UHRF2: variants seen among roughly 807,000 people sequenced by gnomAD.
The protein encoded by UHRF2 is E3 ubiquitin-protein ligase UHRF2.
UHRF2 carries 23 observed loss-of-function variants against 96.8 expected under a neutral mutation model. The observed-to-expected ratio is 0.24, with a 90% CI of 0.17 to 0.34. The LOEUF (loss-of-function observed/expected upper bound fraction) is 0.34, where lower values mean the gene tolerates loss of function less well. Ranked by LOEUF, UHRF2 falls within the 10% of genes least tolerant of loss-of-function variation. The pLI is 1.00. For synonymous variants in UHRF2, 385 were observed against 332.6 expected (o/e 1.16, Z -1.72); for missense variants, 685 against 981.5 (o/e 0.70, Z 4.04).
At chr9:6,442,804 A>G (rs933060390) in intron 3 of UHRF2, among the ~76,000 whole-genome samples, 1 of 152,120 alleles carries the variant, frequency 6.6e-6, no homozygotes, top group South Asian at 2.1e-4. Flanking sequence ...CACGAACTTC[A>G]TGATGATATG....
At chr9:6,486,446 G>T (rs1375690387) in intron 8 of UHRF2, among the ~76,000 whole-genome samples, 1 of 152,218 alleles carries the variant, frequency 6.6e-6, no homozygotes, top group Non-Finnish European at 1.5e-5. Flanking sequence ...TCCAAGACTA[G>T]AAATAAGAGA....
chr9:6,491,772 T>A (rs1259779738), intron 9 of UHRF2, among the ~76,000 whole-genome samples: 1 of 152,246 alleles, frequency 6.6e-6, no homozygotes, highest in African/African-American at 2.4e-5. Flanking sequence ...ATAGAGCTGC[T>A]TTATGTGAGC....
At chr9:6,452,362 C>T (rs1393523362) in intron 3 of UHRF2, among the ~76,000 whole-genome samples, 3 of 152,196 alleles carry the variant, frequency 2.0e-5, no homozygotes, top group African/African-American at 7.2e-5. Context: ...TGGTAATTAA[C>T]AGATGCCCCT....
In UHRF2 at chr9:6,419,911, T is replaced by A. The variant is rs77150548; in HGVS notation, c.154-1001T>A. On this transcript the variant is annotated intron_variant, in intron 1 of 15. Transcript: ENST00000276893. ...TGTACAATCACACCCGGCTACGTTT[T>A]TTTATTTATTTATTTATTTTTATTT... is the stretch of plus-strand genomic sequence containing the variant. Among the ~76,000 whole-genome samples, 132 of 152,064 alleles carry A rather than the reference T, an allele frequency of 8.7e-4. 1 individual carries two copies. The highest frequency in any genetic ancestry group is 2.5e-3 in the South Asian group (12 of 4,812).
chr9:6,501,839 G>A (rs528811189), intron 14 of UHRF2, among the ~76,000 whole-genome samples: 1 of 152,310 alleles, frequency 6.6e-6, no homozygotes, highest in East Asian at 1.9e-4. Context: ...TCTCTGATTG[G>A]GAAAGATAGG....
intron 8 of UHRF2, among the ~76,000 whole-genome samples, chr9:6,482,502 C>T (rs1823985244): frequency 6.6e-6 from 1 of 152,006 alleles, no homozygotes; most frequent in Admixed American, 6.6e-5. Flanking sequence ...AATGCTAAGA[C>T]ATTGGGCAGA....
intron 2 of UHRF2, among the ~76,000 whole-genome samples, chr9:6,430,684 C>T (rs1235792670): frequency 6.6e-6 from 1 of 152,160 alleles, no homozygotes; most frequent in Non-Finnish European, 1.5e-5. Flanking sequence ...CTAGAGGCCA[C>T]CCCTACAATC....
At chr9:6,463,144 G>C (rs1034207667) in intron 4 of UHRF2, among the ~76,000 whole-genome samples, 7 of 151,746 alleles carry the variant, frequency 4.6e-5, no homozygotes, top group Non-Finnish European at 1.0e-4. Flanking sequence ...AGCTGGGTGC[G>C]GTGTTGCATG....
intron 3 of UHRF2, among the ~76,000 whole-genome samples, chr9:6,459,850 G>T (rs1822417622): frequency 6.6e-6 from 1 of 152,200 alleles, no homozygotes; most frequent in Non-Finnish European, 1.5e-5. Flanking sequence ...GCACGTGTCT[G>T]TAGTACCAGC....
At chr9:6,479,273 G>C (rs1474216470) in intron 6 of UHRF2, among the ~76,000 whole-genome samples, 4 of 152,122 alleles carry the variant, frequency 2.6e-5, no homozygotes, top group Non-Finnish European at 5.9e-5. Context: ...GCTTATGTCA[G>C]GTTCACAGAC....
chr9:6,485,299 C>T (rs148797765), intron 8 of UHRF2, among the ~76,000 whole-genome samples: 12 of 152,144 alleles, frequency 7.9e-5, no homozygotes, highest in African/African-American at 2.4e-4. Context: ...TTGTGTATTT[C>T]TAATTGCCTT....
At chr9:6,458,020 A>C (rs1057091348) in intron 3 of UHRF2, among the ~76,000 whole-genome samples, 1 of 152,190 alleles carries the variant, frequency 6.6e-6, no homozygotes, top group Non-Finnish European at 1.5e-5. Context: ...TGTTGGCCTC[A>C]TAAAATGAGT....
At chr9:6,460,988 G>A (rs1822502185) in intron 4 of UHRF2, among the ~76,000 whole-genome samples, 197 bp downstream of exon 4, 2 of 152,166 alleles carry the variant, frequency 1.3e-5, no homozygotes, top group Non-Finnish European at 1.5e-5. Context: ...CAACTTTAAG[G>A]TTGGAGATAC....
At chr9:6,429,922 G>GT (rs1820475666) in intron 2 of UHRF2, among the ~76,000 whole-genome samples, 1 of 152,124 alleles carries the variant, frequency 6.6e-6, no homozygotes, top group Non-Finnish European at 1.5e-5. Context: ...TTTGCTGTTG[G>GT]TATTTTCTTT....
At chr9:6,420,635 A>G (rs1237326168) in intron 1 of UHRF2, among the ~76,000 whole-genome samples, 1 of 150,690 alleles carries the variant, frequency 6.6e-6, no homozygotes, top group Non-Finnish European at 1.5e-5. Flanking sequence ...TGAACCCGGG[A>G]GGAGGCGCTT....
At chr9:6,491,077 C>T (rs999890771) in intron 9 of UHRF2, among the ~76,000 whole-genome samples, 1 of 152,130 alleles carries the variant, frequency 6.6e-6, no homozygotes, top group Non-Finnish European at 1.5e-5. Context: ...ATATTTTAGC[C>T]TAGTAACTTA....
intron 4 of UHRF2, among the ~76,000 whole-genome samples, chr9:6,470,199 C>T (rs947445826): frequency 6.6e-6 from 1 of 152,100 alleles, no homozygotes; most frequent in Non-Finnish European, 1.5e-5. Context: ...ATGGCAAAAC[C>T]ATGTCTCTAC....
intron 3 of UHRF2, among the ~76,000 whole-genome samples, chr9:6,452,353 G>A (rs576247268): frequency 6.6e-6 from 1 of 152,162 alleles, no homozygotes; most frequent in African/African-American, 2.4e-5. Context: ...CAGTGTTTCT[G>A]GTAATTAACA....
At chr9:6,477,235 A>T (rs564743112) in intron 5 of UHRF2, among the ~76,000 whole-genome samples, 10 of 151,506 alleles carry the variant, frequency 6.6e-5, no homozygotes, top group African/African-American at 2.2e-4. Context: ...CTCCATCTCA[A>T]AAAAAAAGAC....
Sources: gnomAD v4.1 joint callset for allele counts (sites outside exome capture counted in the v4.1 genomes callset) on GRCh38, gnomAD v4.1.1 for gene constraint, MANE v1.5 for transcripts, NCBI Gene and HGNC (gene_info 2026-07-23, HGNC 2026-07-21) for gene names.